MIS18BP1: variants seen among roughly 807,000 people sequenced by gnomAD.
The protein encoded by MIS18BP1 is MIS18 binding protein 1, also known as mis18-binding protein 1.
Under a neutral mutation model 116.1 loss-of-function variants are expected in MIS18BP1, and 72 were observed. The ratio of observed to expected loss-of-function variants is 0.62; its 90% confidence interval spans 0.51 to 0.75. The LOEUF is 0.75. Among genes scored for constraint, MIS18BP1 ranks in the 30% least tolerant of loss-of-function variants. The pLI is 0.00. For synonymous variants in MIS18BP1, 386 were observed against 427.0 expected, an observed-to-expected ratio of 0.90 and a Z score of 1.18; for missense variants, 1,363 against 1,303.2, an observed-to-expected ratio of 1.05 and a Z score of -0.71.
chr14:45,229,503 CAAAA>C, intron 8 of MIS18BP1, among the ~76,000 whole-genome samples: 1 of 111,840 alleles, frequency 8.9e-6, no homozygotes, highest in African/African-American at 3.4e-5. Context: ...GACCCTGTCT[CAAAA>C]AAAAAAAAAA....
chr14:45,242,139 T>A lies in MIS18BP1; in HGVS notation c.1038A>T (p.Thr346=). Residue 346 remains threonine, a synonymous_variant, in exon 4 of 17, where the codon ACA becomes ACT. Coordinates refer to ENST00000310806, the MANE Select transcript of MIS18BP1 (RefSeq NM_018353.5). ...GAGGTATTGTTATATGAAGTCTTGG[T>A]GTTGCAAGTACAATTTTACATGTAT... The part of the protein sequence containing the change: ...MKDTCKIVLA[T]PRLHITIPRR... 6.2e-7 allele frequency: 1 copy of A among 1,614,130 alleles called. No individual in the cohort carries two copies. The highest frequency in any genetic ancestry group is 8.5e-7 in the Non-Finnish European group (1 of 1,179,998).
chr14:45,222,614 A>C (rs915672855), intron 11 of MIS18BP1, among the ~76,000 whole-genome samples: 1 of 152,178 alleles, frequency 6.6e-6, no homozygotes, highest in Admixed American at 6.5e-5. Context: ...TGGGACACTG[A>C]GTAGCTAGCC....
chr14:45,239,829 G>C (rs1364232426), intron 4 of MIS18BP1, among the ~76,000 whole-genome samples: 1 of 152,186 alleles, frequency 6.6e-6, no homozygotes, highest in African/African-American at 2.4e-5. Context: ...GCATTCAGGA[G>C]AGTAGAGCCA....
At chr14:45,208,473 C>T (rs901204351) in intron 14 of MIS18BP1, among the ~76,000 whole-genome samples, 2 of 151,716 alleles carry the variant, frequency 1.3e-5, no homozygotes, top group African/African-American at 4.8e-5. Flanking sequence ...GCTAGGATTA[C>T]AGACACACAC....
chr14:45,216,907 C>T (rs757118182), intron 13 of MIS18BP1, 112 bp downstream of exon 13: 30 of 1,109,370 alleles, frequency 2.7e-5, no homozygotes, highest in African/African-American at 3.2e-5. Context: ...ATCATGTCTA[C>T]GGAGGCTACT....
intron 6 of MIS18BP1, among the ~76,000 whole-genome samples, chr14:45,235,268 T>C (rs1160830200): frequency 6.8e-6 from 1 of 147,710 alleles, no homozygotes; most frequent in Non-Finnish European, 1.5e-5. Flanking sequence ...CCTGGGGGCA[T>C]ATGTGGATCC....
In MIS18BP1 at chr14:45,217,132, T is replaced by C. The variant is rs1208514106; in HGVS notation, c.2890A>G (p.Lys964Glu). The change falls in exon 13 of 17, where the codon AAA (lysine) becomes GAA (glutamate). Residue 964 changes from lysine (K) to glutamate (E), a missense_variant. Coordinates refer to ENST00000310806, the MANE Select transcript of MIS18BP1 (RefSeq NM_018353.5). ...TGCTTCCTTTTAAGAGTTCCCACTT[T>C]GGCAGTTATCTTAATAGTTTGTTTC... ...DQKQTIKITA[K>E]VGTLKRKQQM... The C allele has an allele frequency of 1.2e-6, 2 of 1,614,038 alleles. No homozygotes were observed. The highest frequency in any genetic ancestry group is 2.7e-5 in the African/African-American group (2 of 74,928).
chr14:45,214,872 A>C (rs1260010352), intron 13 of MIS18BP1, among the ~76,000 whole-genome samples: 1 of 152,012 alleles, frequency 6.6e-6, no homozygotes, highest in Non-Finnish European at 1.5e-5. Context: ...TCACCTCAGC[A>C]TCCCCAGTAG....
chr14:45,230,592 G>T (rs1490645853), intron 8 of MIS18BP1, among the ~76,000 whole-genome samples: 2 of 151,958 alleles, frequency 1.3e-5, no homozygotes, highest in African/African-American at 2.4e-5. Context: ...AGTGTTCTTT[G>T]GTATTCTGAT....
At chr14:45,205,987 C>G in intron 15 of MIS18BP1, 96 bp downstream of exon 15, 1 of 739,654 alleles carries the variant, frequency 1.4e-6, no homozygotes, top group Admixed American at 2.6e-5. Flanking sequence ...ATAATCACCT[C>G]AGGGACAGGG....
intron 14 of MIS18BP1, among the ~76,000 whole-genome samples, chr14:45,207,542 T>C (rs1273238716): frequency 2.6e-5 from 4 of 152,088 alleles, no homozygotes; most frequent in Admixed American, 2.0e-4. Context: ...TCCCTGCTAC[T>C]TGGGAGGCTG....
intron 13 of MIS18BP1, among the ~76,000 whole-genome samples, chr14:45,211,374 C>G (rs1168902763): frequency 2.6e-5 from 4 of 152,160 alleles, no homozygotes; most frequent in Admixed American, 2.6e-4. Flanking sequence ...TGGTTGAGCC[C>G]AGGATGGTGC....
chr14:45,226,698 A>G, intron 10 of MIS18BP1, 45 bp downstream of exon 10: 3 of 1,284,690 alleles, frequency 2.3e-6, no homozygotes, highest in Non-Finnish European at 3.0e-6. Context: ...CATTTCACAT[A>G]GTAGCTTTCT....
At chr14:45,243,263 TG>T (rs1192042202) in intron 2 of MIS18BP1, among the ~76,000 whole-genome samples, 3 of 152,308 alleles carry the variant, frequency 2.0e-5, no homozygotes, top group African/African-American at 7.2e-5. Flanking sequence ...ATTCTGTTTC[TG>T]GTTGCTGTGA....
intron 11 of MIS18BP1, among the ~76,000 whole-genome samples, chr14:45,219,385 A>G (rs1194426348): frequency 4.6e-5 from 7 of 152,206 alleles, no homozygotes; most frequent in Non-Finnish European, 1.0e-4. Flanking sequence ...ATTGTAGTTG[A>G]TGTCAAGCTA....
chr14:45,206,014 C>A (rs1890505562), intron 15 of MIS18BP1, 69 bp downstream of exon 15: 2 of 1,019,238 alleles, frequency 2.0e-6, no homozygotes, highest in Non-Finnish European at 3.0e-6. Flanking sequence ...ACATGACTTA[C>A]AACTACCACA....
In MIS18BP1 at chr14:45,206,189, ATTTTAAGTCAACAATAT is replaced by A; in HGVS notation, c.3153-36_3153-20del. 1 of 1,509,392 alleles carries A rather than the reference ATTTTAAGTCAACAATAT, an allele frequency of 6.6e-7. No homozygotes were observed. The highest frequency in any genetic ancestry group is 9.1e-7 in the Non-Finnish European group (1 of 1,094,838). 93.5% of individuals were successfully genotyped at this position (1,509,392 alleles called of 1,614,324 possible). A position where few individuals can be genotyped will look rare whatever the true frequency, so the allele number is the denominator to read the frequency against. On this transcript the variant is annotated intron_variant, in intron 14 of 16. Transcript: ENST00000310806. ...GTCATTCCTGTTTGAATACGAAATA[ATTTTAAGTCAACAATAT>A]TTTTAAGTCAACCTAATAATTTTAA...
At chr14:45,224,799 C>A (rs1286848699) in intron 10 of MIS18BP1, 53 bp from the exon 11 acceptor site, 1 of 1,216,228 alleles carries the variant, frequency 8.2e-7, no homozygotes, top group Non-Finnish European at 1.2e-6. Context: ...TAGCTATAAA[C>A]AAATATAAGC....
intron 11 of MIS18BP1, among the ~76,000 whole-genome samples, chr14:45,219,239 T>C (rs1890907413): frequency 6.6e-6 from 1 of 152,230 alleles, no homozygotes; most frequent in Non-Finnish European, 1.5e-5. Context: ...GCAAAATATT[T>C]TTATTTCTAC....
Sources: allele counts gnomAD v4.1 joint callset (sites outside exome capture counted in the v4.1 genomes callset), GRCh38; gene constraint gnomAD v4.1.1; transcripts MANE v1.5; gene names NCBI Gene and HGNC (gene_info 2026-07-23, HGNC 2026-07-21).